Variants in FYN observed in about 807,000 individuals in gnomAD.
The protein encoded by FYN is tyrosine-protein kinase Fyn.
In FYN, 10 loss-of-function variants were observed where a neutral mutation model predicts 70.2. The ratio of observed to expected loss-of-function variants is 0.14; its 90% confidence interval spans 0.09 to 0.24. FYN has a LOEUF of 0.24. Ranked by LOEUF, FYN falls within the 10% of genes least tolerant of loss-of-function variation. FYN has a pLI of 1.00. For synonymous variants in FYN, 236 were observed against 248.6 expected (o/e 0.95, Z 0.48); for missense variants, 319 against 673.1 (o/e 0.47, Z 5.82).
chr6:111,840,672 A>G (rs1245032871), intron 2 of FYN, among the ~76,000 whole-genome samples: 1 of 152,216 alleles, frequency 6.6e-6, no homozygotes, highest in Non-Finnish European at 1.5e-5. Flanking sequence ...CTTTTAAAGG[A>G]AAAGCTTAAA....
chr6:111,703,696 G>C (rs1188201202), intron 7 of FYN, among the ~76,000 whole-genome samples: 2 of 152,152 alleles, frequency 1.3e-5, no homozygotes, highest in Admixed American at 6.5e-5. Context: ...GAGGAACTAA[G>C]ATTTCAGAAA....
chr6:111,818,217 A>C lies in FYN; in HGVS notation c.-82+28372T>G, dbSNP rs112804970. Among the ~76,000 whole-genome samples, 672 of 152,292 alleles carry C rather than the reference A, an allele frequency of 4.4e-3. 3 individuals are homozygous for C. Among genetic ancestry groups the C allele is most frequent in the African/African-American group, 0.015 (639 of 41,550 alleles). On this transcript the variant is annotated intron_variant, in intron 2 of 13. Coordinates refer to ENST00000354650, the MANE Select transcript of FYN (RefSeq NM_002037.5). ...ACAGAAATGGCAAGGTGAAAGGCTG[A>C]GAGAAACGAAGAGGGACCACTGGGA...
At chr6:111,764,179 T>C (rs1237395077) in intron 3 of FYN, among the ~76,000 whole-genome samples, 1 of 38,316 alleles carries the variant, frequency 2.6e-5, no homozygotes, top group Admixed American at 3.6e-4. Flanking sequence ...ATGAATAAAA[T>C]GTTAAAAAAG....
chr6:111,770,201 G>C (rs988336649), intron 3 of FYN, among the ~76,000 whole-genome samples: 1 of 152,118 alleles, frequency 6.6e-6, no homozygotes, highest in Non-Finnish European at 1.5e-5. Context: ...CAAAGACTTA[G>C]TACAAAAATA....
chr6:111,767,101 T>C (rs1005513309), intron 3 of FYN, among the ~76,000 whole-genome samples: 1 of 152,186 alleles, frequency 6.6e-6, no homozygotes, highest in African/African-American at 2.4e-5. Context: ...GCTCCCCAAA[T>C]CCAACAAGAT....
intron 2 of FYN, among the ~76,000 whole-genome samples, chr6:111,801,967 C>T (rs1243317307): frequency 1.3e-5 from 2 of 152,234 alleles, no homozygotes; most frequent in Non-Finnish European, 2.9e-5. Context: ...AAGCACCAGA[C>T]ACCATCTCAG....
At chr6:111,842,795 T>A (rs939546641) in intron 2 of FYN, among the ~76,000 whole-genome samples, 14 of 152,130 alleles carry the variant, frequency 9.2e-5, no homozygotes, top group Non-Finnish European at 1.8e-4. Context: ...AAGACAATTA[T>A]CCCCACACTA....
In FYN at chr6:111,714,113, T is replaced by C. The variant is rs1417454668; in HGVS notation, c.344+234A>G. ...AAACCTAAACCAAAACCAATAAACA[T>C]GGACTGTGCTAGTATTTTTGGTACT... On this transcript the variant is annotated intron_variant, in intron 5 of 13. Transcript: ENST00000354650. Among the ~76,000 whole-genome samples, 3 of 152,176 alleles carry C rather than the reference T, an allele frequency of 2.0e-5. 1 individual carries two copies. The highest frequency in any genetic ancestry group is 4.1e-4 in the South Asian group (2 of 4,828).
intron 9 of FYN, among the ~76,000 whole-genome samples, chr6:111,697,517 T>C (rs1799626347): frequency 6.6e-6 from 1 of 152,196 alleles, no homozygotes. Flanking sequence ...ACATGGTTCA[T>C]ACAATTACAA....
chr6:111,704,429 G>A (rs992875354), intron 6 of FYN, among the ~76,000 whole-genome samples: 35 of 152,172 alleles, frequency 2.3e-4, no homozygotes, highest in African/African-American at 8.2e-4. Flanking sequence ...ATTTGAAATG[G>A]TTACTGCAGG....
intron 9 of FYN, 189 bp from the exon 10 acceptor site, chr6:111,696,645 G>T: frequency 2.1e-6 from 1 of 482,882 alleles, no homozygotes; most frequent in Non-Finnish European, 3.6e-6. Context: ...GTTTATTTGT[G>T]GTTATGGCTA....
chr6:111,711,880 A>G (rs1457805010), intron 5 of FYN, among the ~76,000 whole-genome samples: 1 of 152,264 alleles, frequency 6.6e-6, no homozygotes, highest in Non-Finnish European at 1.5e-5. Context: ...ACCTTGAGAA[A>G]GGGAATTTTA....
chr6:111,730,483 G>A (rs952455716), intron 3 of FYN, among the ~76,000 whole-genome samples: 1 of 152,214 alleles, frequency 6.6e-6, no homozygotes, highest in African/African-American at 2.4e-5. Flanking sequence ...CTCTGTGAGT[G>A]AGGTCATGAA....
At chr6:111,784,835 C>A (rs1198901609) in intron 2 of FYN, among the ~76,000 whole-genome samples, 1 of 152,208 alleles carries the variant, frequency 6.6e-6, no homozygotes, top group Non-Finnish European at 1.5e-5. Flanking sequence ...TGGCAGTTCA[C>A]TTGGGAAGCC....
intron 12 of FYN, among the ~76,000 whole-genome samples, chr6:111,682,803 A>C (rs1798833476): frequency 6.6e-6 from 1 of 152,208 alleles, no homozygotes; most frequent in Non-Finnish European, 1.5e-5. Context: ...TTGTCTGTAA[A>C]CTGGGGATGA....
At chr6:111,851,693 G>A (rs182704589) in intron 1 of FYN, among the ~76,000 whole-genome samples, 58 of 152,224 alleles carry the variant, frequency 3.8e-4, no homozygotes, top group African/African-American at 1.3e-3. Context: ...TCTGCTCTGC[G>A]ATTGGGTGGG....
chr6:111,750,678 G>A (rs1192637762), intron 3 of FYN, among the ~76,000 whole-genome samples: 1 of 149,102 alleles, frequency 6.7e-6, no homozygotes, highest in African/African-American at 2.5e-5. Flanking sequence ...TTTCTTTGTT[G>A]GCCAGACCAC....
intron 3 of FYN, among the ~76,000 whole-genome samples, chr6:111,769,105 G>A (rs1583425686): frequency 6.6e-6 from 1 of 152,154 alleles, no homozygotes; most frequent in East Asian, 1.9e-4. Context: ...GAATAGTGAG[G>A]TTGACATCAA....
At chr6:111,832,059 C>T (rs947259392) in intron 2 of FYN, among the ~76,000 whole-genome samples, 3 of 152,178 alleles carry the variant, frequency 2.0e-5, no homozygotes, top group Admixed American at 6.5e-5. Context: ...TTATGAAGTG[C>T]TGCTTGTTGA....
Sources: gnomAD v4.1 joint callset for allele counts (sites outside exome capture counted in the v4.1 genomes callset) on GRCh38, gnomAD v4.1.1 for gene constraint, MANE v1.5 for transcripts, NCBI Gene and HGNC (gene_info 2026-07-23, HGNC 2026-07-21) for gene names.